Variants in HECTD3 observed in about 807,000 individuals in gnomAD.
The protein encoded by HECTD3 is E3 ubiquitin-protein ligase HECTD3.
A neutral mutation model predicts 109.3 loss-of-function variants in HECTD3; 72 were observed. The ratio of observed to expected loss-of-function variants is 0.66; its 90% CI spans 0.54 to 0.80. HECTD3 has a LOEUF of 0.80. Among genes scored for constraint, HECTD3 ranks in the 30% least tolerant of loss-of-function variants. The pLI, the probability that HECTD3 is intolerant of heterozygous loss-of-function variation, is 0.00. For missense variants in HECTD3, 1,041 were observed against 1,165.2 expected (o/e 0.89, Z 1.55); for synonymous variants, 481 against 471.8 (o/e 1.02, Z -0.25).
rs758202407 is a variant in HECTD3, at chr1:45,008,711, G to A, written c.1073-10C>T. ...ACATCAATCCCATCATCTGGGGGAA[G>A]GGGTCAGAGTAAGGTCATTTACAGC... On this transcript the variant is annotated splice_polypyrimidine_tract_variant and intron_variant, in intron 7 of 20. Coordinates refer to ENST00000372172, the MANE Select transcript of HECTD3 (RefSeq NM_024602.6). 52 of 1,612,236 alleles carry A rather than the reference G, an allele frequency of 3.2e-5. No individual in the cohort carries two copies. Among genetic ancestry groups the A allele is most frequent in the Non-Finnish European group, 3.9e-5 (46 of 1,179,576 alleles).
chr1:45,004,990 A>T (rs1644721870), intron 15 of HECTD3, 184 bp from the exon 16 acceptor site: 1 of 622,110 alleles, frequency 1.6e-6, no homozygotes, highest in Non-Finnish European at 2.9e-6. Flanking sequence ...CCAGCCTTGG[A>T]GGCCAGAGGA....
In HECTD3 at chr1:45,006,660, G is replaced by C. The variant is rs563000978; in HGVS notation, c.1725+32C>G. On this transcript the variant is annotated intron_variant, in intron 13 of 20. Coordinates refer to ENST00000372172, the MANE Select transcript of HECTD3 (RefSeq NM_024602.6). This position sits in a 1 kb window ranked among gnomAD's most constrained non-coding sequence, Gnocchi z 4.7. ...CCCTTTCTAGCTCAATCTGGCACCTGGGAGGTTTGCAGAGATGGAAACGGA... is the reference window on the plus strand; with the variant it reads ...CCCTTTCTAGCTCAATCTGGCACCTCGGAGGTTTGCAGAGATGGAAACGGA... 1 of 1,566,052 alleles carries C rather than the reference G, an allele frequency of 6.4e-7. No individual in the cohort carries two copies. Among genetic ancestry groups the C allele is most frequent in the African/African-American group, 1.4e-5 (1 of 73,828 alleles).
At position 45,004,441 on chromosome 1, in the gene HECTD3, G is replaced by A. The variant is rs1302752425; in HGVS notation, c.2143-64C>T. On this transcript the variant is annotated intron_variant, in intron 16 of 20. Coordinates refer to ENST00000372172, the MANE Select transcript of HECTD3 (RefSeq NM_024602.6). ...CACACCTCCCGCCTCACACTGGGGG[G>A]CATCACTGTGGCCTTTTAGCAGCAG... 3.7e-6 allele frequency: 6 copies of A among 1,610,842 alleles called. No individual in the cohort carries two copies. In the African/African-American group the frequency reaches 6.7e-5, roughly 18 times the overall value.
chr1:45,004,610 C>T lies in HECTD3; in HGVS notation c.2132G>A (p.Ser711Asn). ...GCCTCTGGGTACTACCTGCTCCTTGCTCTCCTCTAGCCGTGCCTTCTGGAC... is the reference window on the plus strand; with the variant it reads ...GCCTCTGGGTACTACCTGCTCCTTGTTCTCCTCTAGCCGTGCCTTCTGGAC... ...QLVQKARLEE[S>N]KEQVAAMQAG... The change falls in exon 16 of 21, where the codon AGC (serine) becomes AAC (asparagine). Residue 711 changes from serine (S) to asparagine (N), a missense_variant. Around this residue, in one of 2 missense-constraint regions of HECTD3, gnomAD observed 569 missense variants for 715.3 expected, o/e 0.80. Transcript: ENST00000372172. The T allele has an allele frequency of 6.2e-7, 1 of 1,614,154 alleles. No homozygotes were observed. The highest frequency in any genetic ancestry group is 1.1e-5 in the South Asian group (1 of 91,080).
intron 16 of HECTD3, 45 bp from the exon 17 acceptor site, chr1:45,004,422 T>C (rs1569934554): frequency 6.2e-7 from 1 of 1,613,118 alleles, no homozygotes; most frequent in Non-Finnish European, 8.5e-7. Flanking sequence ...AGGGCACACC[T>C]CCCGCCTCAC....
chr1:45,010,268 A>T lies in HECTD3; in HGVS notation c.556T>A (p.Tyr186Asn). 1 of 1,613,964 alleles carries T rather than the reference A, an allele frequency of 6.2e-7. No individual in the cohort carries two copies. The highest frequency in any genetic ancestry group is 1.3e-5 in the African/African-American group (1 of 74,996). ...LRWEQVVDLTYSHRLGSRPQP... is the reference protein window; with the variant it reads ...LRWEQVVDLTNSHRLGSRPQP... The stretch of plus-strand genomic sequence containing the variant: ...GGTCTCGATCCCAGGCGATGTGAGT[A>T]TGTCAGGTCCACCACCTGTTCCCAC... Residue 186 changes from tyrosine (Y) to asparagine (N), a missense_variant, in exon 3 of 21, where the codon TAC (tyrosine) becomes AAC (asparagine). By Grantham distance (143) the Tyr-to-Asn change is moderately radical (BLOSUM62 -2). Around this residue, in one of 2 missense-constraint regions of HECTD3, gnomAD observed 472 missense variants for 449.9 expected, o/e 1.05. Coordinates refer to ENST00000372172, the MANE Select transcript of HECTD3 (RefSeq NM_024602.6).
chr1:45,006,488 G>C lies in HECTD3; in HGVS notation c.1725+204C>G, dbSNP rs1433461305. On this transcript the variant is annotated intron_variant, in intron 13 of 20. Coordinates refer to ENST00000372172, the MANE Select transcript of HECTD3 (RefSeq NM_024602.6). The surrounding 1 kb of genome is among the most constrained non-coding windows in gnomAD (Gnocchi z 4.7). The stretch of plus-strand genomic sequence containing the variant: ...GCCCGGCTAATTTTTTATTTTTATA[G>C]AGATGGGGCTTCACTTCATTGGCCA... Among the ~76,000 whole-genome samples the C allele has an allele frequency of 6.6e-6, 1 of 152,000 alleles. No homozygotes were observed. Among genetic ancestry groups the C allele is most frequent in the African/African-American group, 2.4e-5 (1 of 41,360 alleles).
Position 45,003,799 on chromosome 1 carries a change from G to C in HECTD3, c.2429+56C>G, listed in dbSNP as rs1267760829. ...TGTGTTGGGGCACATGTACGTGTGT[G>C]GGGAGGGAGGACAGAAGGCGGCCAT... On this transcript the variant is annotated intron_variant, in intron 19 of 20. Transcript: ENST00000372172. The surrounding 1 kb of genome is among the most constrained non-coding windows in gnomAD (Gnocchi z 4.7). The C allele has an allele frequency of 4.3e-6, 7 of 1,611,674 alleles. No individual in the cohort carries two copies. The East Asian group carries it at 8.9e-5, about 21-fold the overall frequency.
chr1:45,005,166 T>TC, intron 15 of HECTD3: 1 of 393,010 alleles, frequency 2.5e-6, no homozygotes, highest in Admixed American at 3.7e-5. Flanking sequence ...GACACAGGGT[T>TC]CACGTAAGGC....
At chr1:45,005,422 GAGA>G (rs772758699) in intron 15 of HECTD3, 3 of 218,246 alleles carry the variant, frequency 1.4e-5, no homozygotes, top group South Asian at 1.2e-4. Flanking sequence ...GGTGGCGAGG[GAGA>G]AGAAGGGGTG....
intron 9 of HECTD3, 141 bp from the exon 10 acceptor site, chr1:45,007,736 T>C: frequency 1.4e-6 from 1 of 699,536 alleles, no homozygotes; most frequent in South Asian, 1.9e-5. Flanking sequence ...TCCAGTCCCC[T>C]CCTTAGTTCA....
rs776132645 is a variant in HECTD3 at position 45,006,991 on chromosome 1, C to A, written c.1581G>T (p.Trp527Cys). 6.2e-7 allele frequency: 1 copy of A among 1,614,140 alleles called. No homozygotes were observed. The highest frequency in any genetic ancestry group is 8.5e-7 in the Non-Finnish European group (1 of 1,180,032). Residue 527 changes from tryptophan to cysteine, a missense_variant, in exon 12 of 21, where the codon TGG (tryptophan) becomes TGT (cysteine). By Grantham distance (215) the Trp-to-Cys change is radical. Transcript: ENST00000372172. This position sits in a 1 kb window ranked among gnomAD's most constrained non-coding sequence, Gnocchi z 4.7. ...CTTCTGCAATAAATTTACACTCCCA[C>A]CACTGGTCATAGCGCATGGGCCACC... ...DYRWPMRYDQWWECKFIAEGI... is the reference protein window; with the variant it reads ...DYRWPMRYDQCWECKFIAEGI...
At position 45,007,153 on chromosome 1, in the gene HECTD3, TG is replaced by T. The variant is rs1557728475; in HGVS notation, c.1556+65del. ...GTGTGTGTGTGTGTGTGTGTGTGTGTGTGTTTGTGTGTGTTTGTGTGCACAA... is the reference window on the plus strand; with the variant it reads ...GTGTGTGTGTGTGTGTGTGTGTGTGTTGTTTGTGTGTGTTTGTGTGCACAA... On this transcript the variant is annotated intron_variant, in intron 11 of 20. Coordinates refer to ENST00000372172, the MANE Select transcript of HECTD3 (RefSeq NM_024602.6). The T allele has an allele frequency of 7.4e-4, 1,054 of 1,416,694 alleles. 4 individuals are homozygous for T. The African/African-American group carries it at 0.012, about 16-fold the overall frequency. 87.8% of individuals were successfully genotyped at this position (1,416,694 alleles called of 1,614,324 possible). A position where few individuals can be genotyped will look rare whatever the true frequency, so the allele number is the denominator to read the frequency against.
intron 7 of HECTD3, 32 bp from the exon 8 acceptor site, chr1:45,008,733 C>T (rs777084732): frequency 3.2e-5 from 51 of 1,598,024 alleles, no homozygotes; most frequent in East Asian, 4.5e-5. Context: ...AGGTCATTTA[C>T]AGCACCTGCT....
At position 45,011,234 on chromosome 1, in the gene HECTD3, C is replaced by A. The variant is rs1480617060; in HGVS notation, c.24G>T (p.Ala8=). The A allele has an allele frequency of 7.2e-7, 1 of 1,384,562 alleles. No individual in the cohort carries two copies. The highest frequency in any genetic ancestry group is 1.5e-5 in the African/African-American group (1 of 65,774). 85.8% of individuals were successfully genotyped at this position (1,384,562 alleles called of 1,614,324 possible). ...GCAGCTGCCGGGGGGACTCCAGCACCGCGCCCGGGCCAGGACCCGCCATGG... is the reference window on the plus strand; with the variant it reads ...GCAGCTGCCGGGGGGACTCCAGCACAGCGCCCGGGCCAGGACCCGCCATGG... MAGPGPG[A]VLESPRQLLG... Residue 8 remains alanine, a synonymous_variant, in exon 1 of 21, where the codon GCG becomes GCT. Transcript: ENST00000372172.
intron 7 of HECTD3, 71 bp from the exon 8 acceptor site, chr1:45,008,772 G>C: frequency 6.8e-7 from 1 of 1,468,698 alleles, no homozygotes; most frequent in Non-Finnish European, 9.4e-7. Context: ...CCTGGGACCG[G>C]CTCCTTGAAC....
chr1:45,008,028 T>C (rs1644751361), intron 9 of HECTD3, among the ~76,000 whole-genome samples: 1 of 152,238 alleles, frequency 6.6e-6, no homozygotes, highest in African/African-American at 2.4e-5. Flanking sequence ...CAATAGCCCT[T>C]GGGTATTCCA....
Position 45,003,223 on chromosome 1 carries a change from G to A in HECTD3, c.*269C>T. ...TCAAGTAGCTCAGGCCTGGCAGCTTGTGCTGGGCTTGTGGAAGATTCCCTC... is the reference window on the plus strand; with the variant it reads ...TCAAGTAGCTCAGGCCTGGCAGCTTATGCTGGGCTTGTGGAAGATTCCCTC... On this transcript the variant is annotated 3_prime_UTR_variant, in exon 21 of 21. Transcript: ENST00000372172. The surrounding 1 kb of genome is among the most constrained non-coding windows in gnomAD (Gnocchi z 4.7). The A allele has an allele frequency of 4.0e-6, 2 of 494,364 alleles. No individual in the cohort carries two copies. Among genetic ancestry groups the A allele is most frequent in the Non-Finnish European group, 3.7e-6 (1 of 270,682 alleles). 30.6% of individuals were successfully genotyped at this position (494,364 alleles called of 1,614,324 possible).
chr1:45,003,614 T>C lies in HECTD3; in HGVS notation c.2502-38A>G, dbSNP rs1486502899. The C allele has an allele frequency of 2.5e-6, 4 of 1,612,840 alleles. No homozygotes were observed. The highest frequency in any genetic ancestry group is 3.4e-6 in the Non-Finnish European group (4 of 1,178,828). ...GGACTTGGTCAGGTCCCTACATCGC[T>C]ACCAGGGGTGATGGGGTCCCCTGGG... is the stretch of plus-strand genomic sequence containing the variant. On this transcript the variant is annotated intron_variant, in intron 20 of 20. Transcript: ENST00000372172. The surrounding 1 kb of genome is among the most constrained non-coding windows in gnomAD (Gnocchi z 4.7).
Sources: gnomAD v4.1 joint callset for allele counts (sites outside exome capture counted in the v4.1 genomes callset) on GRCh38, gnomAD v4.1.1 for gene constraint, gnomAD v4.1.1 regional missense constraint, Gnocchi (gnomAD v3.1) non-coding constraint, MANE v1.5 for transcripts, NCBI Gene and HGNC (gene_info 2026-07-23, HGNC 2026-07-21) for gene names.